Variants in GSAP observed in about 807,000 individuals in gnomAD.
GSAP encodes the protein gamma-secretase activating protein.
GSAP carries 118 observed loss-of-function variants against 131.7 expected under a neutral mutation model. The ratio of observed to expected loss-of-function variants is 0.90; its 90% CI spans 0.77 to 1.04. The LOEUF is 1.04. Ranked by LOEUF, GSAP falls within the 50% of genes least tolerant of loss-of-function variation. GSAP has a pLI of 0.00. For synonymous variants in GSAP, 381 were observed against 363.4 expected, an observed-to-expected ratio of 1.05 and a Z score of -0.55; for missense variants, 1,019 against 1,013.2, an observed-to-expected ratio of 1.01 and a Z score of -0.08.
intron 30 of GSAP, 130 bp from the exon 31 acceptor site, chr7:77,311,579 T>C: frequency 1.7e-6 from 1 of 605,942 alleles, no homozygotes; most frequent in South Asian, 2.1e-5. Flanking sequence ...AAGAATGTGT[T>C]CTTAAATTTA....
intron 5 of GSAP, among the ~76,000 whole-genome samples, chr7:77,392,613 A>G (rs529480612): frequency 1.6e-4 from 25 of 152,276 alleles, no homozygotes; most frequent in African/African-American, 5.5e-4. Flanking sequence ...AGACCAGGCA[A>G]TATCTGGATA....
chr7:77,404,531 T>C lies in GSAP; in HGVS notation c.243+28A>G, dbSNP rs1801911547. On this transcript the variant is annotated intron_variant, in intron 3 of 30. Coordinates refer to ENST00000257626, the MANE Select transcript of GSAP (RefSeq NM_017439.4). ...AAAGAAAACTCTAAAGGCAGTAAAG[T>C]AACCAATGAGTAATCTATGATTTTT... is the stretch of plus-strand genomic sequence containing the variant. 3.2e-6 allele frequency: 4 copies of C among 1,235,050 alleles called. No individual in the cohort carries two copies. The East Asian group carries it at 7.0e-5, about 22-fold the overall frequency. The allele number at this position is 1,235,050 out of a possible 1,614,324, so 76.5% of individuals were successfully genotyped here. A position where few individuals can be genotyped will look rare whatever the true frequency, so the allele number is the denominator to read the frequency against.
rs754726153 is a variant in GSAP, at chr7:77,311,936, C to G, written c.2378G>C (p.Arg793Pro). 6.3e-7 allele frequency: 1 copy of G among 1,581,934 alleles called. No individual in the cohort carries two copies. The highest frequency in any genetic ancestry group is 8.7e-7 in the Non-Finnish European group (1 of 1,150,992). Residue 793 changes from arginine (R) to proline (P), a missense_variant, in exon 30 of 31, where the codon CGG (arginine) becomes CCG (proline). Transcript: ENST00000257626. ...RLLQNYKKQP[R>P]NSMINKSSFS... The stretch of plus-strand genomic sequence containing the variant: ...CGATGACTTGTTAATCATAGAATTC[C>G]GAGGCTAAAAGGGAAACCACTTCTG...
At chr7:77,321,453 G>T in intron 24 of GSAP, 50 bp from the exon 25 acceptor site, 2 of 1,198,758 alleles carry the variant, frequency 1.7e-6, no homozygotes, top group South Asian at 2.4e-5. Flanking sequence ...CTTCCCTCAA[G>T]GGCCCCACAG....
chr7:77,406,073 C>T lies in GSAP; in HGVS notation c.142G>A (p.Val48Ile), dbSNP rs1280393709. The T allele has an allele frequency of 8.7e-7, 1 of 1,152,868 alleles. No individual in the cohort carries two copies. Among genetic ancestry groups the T allele is most frequent in the Non-Finnish European group, 1.2e-6 (1 of 852,570 alleles). 71.4% of individuals were successfully genotyped at this position (1,152,868 alleles called of 1,614,324 possible). A position where few individuals can be genotyped will look rare whatever the true frequency, so the allele number is the denominator to read the frequency against. ...VLENDYESLH[V>I]LNVERNGNII... ...TTTCCATTTCTTTCAACATTTAATA[C>T]ATGTAAGCTCTCATAATCGTTTTCT... The change falls in exon 2 of 31, where the codon GTA becomes ATA. Residue 48 changes from valine to isoleucine, a missense_variant. Val to Ile is a conservative substitution (Grantham distance 29). Transcript: ENST00000257626.
chr7:77,367,562 T>G (rs1795503398), intron 12 of GSAP, among the ~76,000 whole-genome samples: 1 of 152,224 alleles, frequency 6.6e-6, no homozygotes, highest in Admixed American at 6.5e-5. Context: ...CCTACTTGAC[T>G]GTGGTAGATT....
At chr7:77,335,198 G>A (rs867786537) in intron 19 of GSAP, among the ~76,000 whole-genome samples, 23 of 152,204 alleles carry the variant, frequency 1.5e-4, no homozygotes, top group African/African-American at 4.8e-4. Context: ...TCAGAAGTTC[G>A]AGACCAGCCT....
chr7:77,331,379 T>C (rs1407220903), intron 19 of GSAP, among the ~76,000 whole-genome samples: 1 of 152,232 alleles, frequency 6.6e-6, no homozygotes, highest in African/African-American at 2.4e-5. Flanking sequence ...CCAATAAAGG[T>C]AGACTTAGGA....
chr7:77,311,868 G>A lies in GSAP; in HGVS notation c.2446C>T (p.Leu816=), dbSNP rs1794404110. The A allele has an allele frequency of 6.3e-7, 1 of 1,575,132 alleles. No individual in the cohort carries two copies. Among genetic ancestry groups the A allele is most frequent in the South Asian group, 1.1e-5 (1 of 90,296 alleles). ...FLPLNYFIEI[L]TDIESSNQAL... is the part of the protein sequence containing the mutation. ...TGATTGGAGGACTCTATATCTGTCA[G>A]AATTTCAATGAAGTAGTTCAGAGGC... The change falls in exon 30 of 31, where the codon CTG becomes TTG. Residue 816 remains leucine (L), a synonymous_variant. Coordinates refer to ENST00000257626, the MANE Select transcript of GSAP (RefSeq NM_017439.4).
rs115431358 is a variant in GSAP, at chr7:77,329,206, C to T, written c.1733+127G>A. On this transcript the variant is annotated intron_variant, in intron 21 of 30. Transcript: ENST00000257626. ...GGTCCAAGTGGCTGCATTCATGAAGCTGACAATATTATTTTGCTGGGGATA... is the reference window on the plus strand; with the variant it reads ...GGTCCAAGTGGCTGCATTCATGAAGTTGACAATATTATTTTGCTGGGGATA... 2,439 of 511,476 alleles carry T rather than the reference C, an allele frequency of 4.8e-3. 46 individuals carry two copies. The highest frequency in any genetic ancestry group is 0.044 in the African/African-American group (2,236 of 50,396). The allele number at this position is 511,476 out of a possible 1,614,324, so 31.7% of individuals were successfully genotyped here.
chr7:77,332,944 G>A (rs533167247), intron 19 of GSAP, among the ~76,000 whole-genome samples: 1 of 152,152 alleles, frequency 6.6e-6, no homozygotes, highest in Admixed American at 6.5e-5. Flanking sequence ...AGAGGCAGGC[G>A]GATCACAAGG....
At chr7:77,399,821 G>A (rs774204658) in intron 3 of GSAP, among the ~76,000 whole-genome samples, 5 of 152,120 alleles carry the variant, frequency 3.3e-5, no homozygotes, top group African/African-American at 4.8e-5. Flanking sequence ...GAAATGCAGA[G>A]AGAAGGCAGC....
At chr7:77,370,506 C>T (rs889504458) in intron 12 of GSAP, among the ~76,000 whole-genome samples, 12 of 152,016 alleles carry the variant, frequency 7.9e-5, no homozygotes, top group Admixed American at 1.3e-4. Context: ...CAGGGAAGAA[C>T]CCACCCTGCT....
intron 23 of GSAP, 130 bp downstream of exon 23, chr7:77,326,082 A>G: frequency 1.5e-6 from 1 of 676,740 alleles, no homozygotes; most frequent in African/African-American, 1.8e-5. Context: ...CACAAGGTCC[A>G]TAATGCTGGC....
chr7:77,389,731 C>T (rs977999551), intron 5 of GSAP, among the ~76,000 whole-genome samples: 43 of 152,118 alleles, frequency 2.8e-4, no homozygotes, highest in African/African-American at 9.4e-4. Context: ...GTGAATAGTG[C>T]CACAATAAAT....
intron 1 of GSAP, among the ~76,000 whole-genome samples, chr7:77,408,286 T>C (rs1802648837): frequency 6.6e-6 from 1 of 152,242 alleles, no homozygotes; most frequent in African/African-American, 2.4e-5. Context: ...ATCTTTCTTC[T>C]AAAATTTTAG....
chr7:77,352,972 G>T lies in GSAP; in HGVS notation c.1463C>A (p.Pro488Gln). ...SETSNMDKLL[P>Q]HSSVLTWNTE... ...ATTCCAAGTGAGCACTGAGGAATGTGGCAATAGTTTGTCCATGTTACTTGT... is the reference window on the plus strand; with the variant it reads ...ATTCCAAGTGAGCACTGAGGAATGTTGCAATAGTTTGTCCATGTTACTTGT... Residue 488 changes from proline (P) to glutamine (Q), a missense_variant, in exon 18 of 31, where the codon CCA (proline) becomes CAA (glutamine). By Grantham distance (76) the Pro-to-Gln change is moderately conservative. Transcript: ENST00000257626. 1 of 1,602,664 alleles carries T rather than the reference G, an allele frequency of 6.2e-7. No homozygotes were observed. Among genetic ancestry groups the T allele is most frequent in the Non-Finnish European group, 8.5e-7 (1 of 1,169,692 alleles).
intron 3 of GSAP, 135 bp downstream of exon 3, chr7:77,404,424 T>G (rs1397327157): frequency 3.0e-6 from 2 of 668,218 alleles, no homozygotes; most frequent in Non-Finnish European, 5.4e-6. Flanking sequence ...TGCCTCAAAT[T>G]GCAATTCTGT....
intron 19 of GSAP, among the ~76,000 whole-genome samples, chr7:77,336,431 C>T (rs530408920): frequency 2.0e-5 from 3 of 152,284 alleles, no homozygotes; most frequent in African/African-American, 7.2e-5. Context: ...AGGCTGAAGA[C>T]ACCTCCATTG....
Sources: allele counts gnomAD v4.1 joint callset (sites outside exome capture counted in the v4.1 genomes callset), GRCh38; gene constraint gnomAD v4.1.1; transcripts MANE v1.5; gene names NCBI Gene and HGNC (gene_info 2026-07-23, HGNC 2026-07-21).